The following GABRG3 variants were observed in gnomAD, a reference collection of about 807,000 sequenced individuals.
The protein encoded by GABRG3 is gamma-aminobutyric acid receptor subunit gamma-3.
GABRG3 carries 25 observed loss-of-function variants against 48.8 expected under a neutral mutation model. The observed-to-expected ratio is 0.51, with a 90% CI of 0.37 to 0.72. The LOEUF (loss-of-function observed/expected upper bound fraction) is 0.72, where lower values mean the gene tolerates loss of function less well. Among genes scored for constraint, GABRG3 ranks in the 30% least tolerant of loss-of-function variants. The probability of loss-of-function intolerance (pLI) is 0.00; values close to 1 mark genes in which losing one functional copy is unlikely to be tolerated. For missense variants in GABRG3, 394 were observed against 577.9 expected, an observed-to-expected ratio of 0.68 and a Z score of 3.26; for synonymous variants, 227 against 217.6, an observed-to-expected ratio of 1.04 and a Z score of -0.38.
intron 5 of GABRG3, among the ~76,000 whole-genome samples, chr15:27,358,725 C>T (rs1413367138): frequency 1.3e-5 from 2 of 152,142 alleles, no homozygotes; most frequent in Admixed American, 1.3e-4. Flanking sequence ...AGAAATGATG[C>T]GTTCCATATT....
intron 9 of GABRG3, 120 bp from the exon 10 acceptor site, chr15:27,532,480 C>A: frequency 2.4e-6 from 2 of 823,078 alleles, no homozygotes; most frequent in Non-Finnish European, 3.5e-6. Context: ...GGGAAGGGCA[C>A]ACCCACGCAT....
At chr15:27,133,239 C>A (rs1595543022) in intron 3 of GABRG3, among the ~76,000 whole-genome samples, 1 of 152,084 alleles carries the variant, frequency 6.6e-6, no homozygotes, top group Admixed American at 6.5e-5. Context: ...TTAGAAAATA[C>A]TACTTTTTTT....
At chr15:27,159,601 T>C (rs1374908160) in intron 3 of GABRG3, among the ~76,000 whole-genome samples, 2 of 152,156 alleles carry the variant, frequency 1.3e-5, no homozygotes, top group Non-Finnish European at 2.9e-5. Flanking sequence ...TATGAACATT[T>C]GATTATTCGT....
intron 3 of GABRG3, among the ~76,000 whole-genome samples, chr15:27,223,774 G>A (rs1566970769): frequency 6.6e-6 from 1 of 152,172 alleles, no homozygotes; most frequent in Non-Finnish European, 1.5e-5. Context: ...CAACACTCAG[G>A]TGAACCCAGT....
chr15:27,429,769 A>G (rs537523592), intron 5 of GABRG3, among the ~76,000 whole-genome samples: 37 of 152,202 alleles, frequency 2.4e-4, no homozygotes, highest in Non-Finnish European at 4.7e-4. Context: ...TTGCTGAGTA[A>G]TATTCCATCG....
chr15:27,164,977 G>A (rs1002836646), intron 3 of GABRG3, among the ~76,000 whole-genome samples: 2 of 152,178 alleles, frequency 1.3e-5, no homozygotes, highest in African/African-American at 4.8e-5. Flanking sequence ...AAGCAGATCA[G>A]TAATCAATCT....
At chr15:27,477,073 C>A (rs551932726) in intron 5 of GABRG3, among the ~76,000 whole-genome samples, 5 of 152,044 alleles carry the variant, frequency 3.3e-5, no homozygotes, top group Admixed American at 3.3e-4. Flanking sequence ...GCAAAATTTT[C>A]CTCAAAAAAC....
At chr15:27,011,595 C>T (rs1442133552) in intron 2 of GABRG3, among the ~76,000 whole-genome samples, 1 of 152,046 alleles carries the variant, frequency 6.6e-6, no homozygotes, top group African/African-American at 2.4e-5. Flanking sequence ...CGCCTGTAAT[C>T]CCAGCACTTT....
intron 3 of GABRG3, among the ~76,000 whole-genome samples, chr15:27,060,952 C>T (rs1896633873): frequency 6.6e-6 from 1 of 152,068 alleles, no homozygotes; most frequent in South Asian, 2.1e-4. Flanking sequence ...TAAATGCCAC[C>T]AAATACTCTC....
Position 27,328,746 on chromosome 15 carries a change from G to A in GABRG3, c.492-60G>A, listed in dbSNP as rs372201457. On this transcript the variant is annotated intron_variant, in intron 4 of 9. Coordinates refer to ENST00000615808, the MANE Select transcript of GABRG3 (RefSeq NM_033223.5). ...CCATCCCCACATGGGGTGCCGTAAC[G>A]GCCGCCGGCCTTGCCCTGTGCTGTG... 33 of 1,475,662 alleles carry A rather than the reference G, an allele frequency of 2.2e-5. No individual in the cohort carries two copies. In the African/African-American group the frequency reaches 2.7e-4, roughly 12 times the overall value. 91.4% of individuals were successfully genotyped at this position (1,475,662 alleles called of 1,614,324 possible). A position where few individuals can be genotyped will look rare whatever the true frequency, so the allele number is the denominator to read the frequency against.
Position 27,306,195 on chromosome 15 carries a change from T to G in GABRG3, c.271-20614T>G, listed in dbSNP as rs1303335368. On this transcript the variant is annotated intron_variant, in intron 3 of 9. Transcript: ENST00000615808. ...TATATAAACATATAATATAAACATATTTATAATATAAACATATGTAATATA... is the reference window on the plus strand; with the variant it reads ...TATATAAACATATAATATAAACATAGTTATAATATAAACATATGTAATATA... Among the ~76,000 whole-genome samples the G allele has an allele frequency of 2.2e-5, 3 of 133,644 alleles. 1 individual carries two copies. The highest frequency in any genetic ancestry group is 8.2e-5 in the African/African-American group (3 of 36,454). The allele number at this position is 133,644 out of a possible 152,430, so 87.7% of individuals were successfully genotyped here.
intron 3 of GABRG3, among the ~76,000 whole-genome samples, chr15:27,306,357 A>G (rs992316770): frequency 2.1e-5 from 2 of 97,354 alleles, no homozygotes; most frequent in Admixed American, 1.1e-4. Flanking sequence ...ATGTCTACAT[A>G]TAAACATATA....
chr15:27,351,587 G>A (rs371626479), intron 5 of GABRG3, among the ~76,000 whole-genome samples: 1 of 149,924 alleles, frequency 6.7e-6, no homozygotes, highest in Non-Finnish European at 1.5e-5. Flanking sequence ...TATGGTGTGT[G>A]TGTATGGCGT....
chr15:27,488,048 C>A (rs1291325709), intron 6 of GABRG3, among the ~76,000 whole-genome samples: 1 of 152,166 alleles, frequency 6.6e-6, no homozygotes, highest in Non-Finnish European at 1.5e-5. Flanking sequence ...CAGGAGAAAC[C>A]TGCACTGGAT....
intron 3 of GABRG3, among the ~76,000 whole-genome samples, chr15:27,238,400 G>T (rs1049585267): frequency 2.0e-5 from 3 of 152,216 alleles, no homozygotes; most frequent in Non-Finnish European, 4.4e-5. Context: ...GGAGCCGCGC[G>T]GGGGCGCAGT....
At chr15:27,369,765 C>A (rs1183469768) in intron 5 of GABRG3, among the ~76,000 whole-genome samples, 7 of 143,784 alleles carry the variant, frequency 4.9e-5, no homozygotes, top group Non-Finnish European at 1.5e-5. Flanking sequence ...TGAGATTGCA[C>A]CACTGCACTC....
At chr15:27,047,798 T>G (rs1227009658) in intron 3 of GABRG3, among the ~76,000 whole-genome samples, 1 of 152,164 alleles carries the variant, frequency 6.6e-6, no homozygotes, top group Non-Finnish European at 1.5e-5. Flanking sequence ...ATTTCTGGGC[T>G]AAAAATGGAA....
intron 5 of GABRG3, among the ~76,000 whole-genome samples, chr15:27,393,344 C>CAA (rs34689012): frequency 9.7e-5 from 11 of 112,990 alleles, no homozygotes; most frequent in African/African-American, 3.1e-4. Context: ...ACTCCGTCTC[C>CAA]AAAAAAAAAA....
chr15:27,315,572 G>T (rs888993955), intron 3 of GABRG3, among the ~76,000 whole-genome samples: 2 of 152,146 alleles, frequency 1.3e-5, no homozygotes, highest in African/African-American at 2.4e-5. Context: ...TTGGGTAATT[G>T]GACCTTGGCA....
Sources: allele counts gnomAD v4.1 joint callset (sites outside exome capture counted in the v4.1 genomes callset), GRCh38; gene constraint gnomAD v4.1.1; transcripts MANE v1.5; gene names NCBI Gene and HGNC (gene_info 2026-07-23, HGNC 2026-07-21).